Variants in PPP2R2C observed in about 807,000 individuals in gnomAD.
PPP2R2C encodes protein phosphatase 2, regulatory subunit B, gamma.
PPP2R2C carries 10 observed loss-of-function variants against 45.3 expected under a neutral mutation model. That is an observed-to-expected ratio of 0.22 (90% CI 0.14 to 0.37). The LOEUF (loss-of-function observed/expected upper bound fraction) is 0.37. Ranked by LOEUF, PPP2R2C falls within the 10% of genes least tolerant of loss-of-function variation. The pLI is 1.00. For synonymous variants in PPP2R2C, 257 were observed against 245.4 expected (o/e 1.05, Z -0.44); for missense variants, 308 against 619.7 (o/e 0.50, Z 5.34).
At chr4:6,436,711 T>C (rs1170665882) in intron 1 of PPP2R2C, among the ~76,000 whole-genome samples, 2 of 152,334 alleles carry the variant, frequency 1.3e-5, no homozygotes, top group East Asian at 3.9e-4. Context: ...AGGGCCACAC[T>C]GTCTCAACTA....
intron 1 of PPP2R2C, among the ~76,000 whole-genome samples, chr4:6,392,155 A>G (rs1716687603): frequency 6.6e-6 from 1 of 152,232 alleles, no homozygotes; most frequent in African/African-American, 2.4e-5. Context: ...ACGTGAATAT[A>G]CTTAATGACA....
At chr4:6,402,859 G>T (rs1158833926) in intron 1 of PPP2R2C, among the ~76,000 whole-genome samples, 1 of 152,240 alleles carries the variant, frequency 6.6e-6, no homozygotes, top group Non-Finnish European at 1.5e-5. Flanking sequence ...GTCCCATGGA[G>T]AGTGGTGGCA....
At chr4:6,325,469 C>T (rs549423257) in intron 8 of PPP2R2C, among the ~76,000 whole-genome samples, 5 of 152,186 alleles carry the variant, frequency 3.3e-5, no homozygotes, top group Admixed American at 6.5e-5. Context: ...ACCCTCCCCG[C>T]GCCAGCACAG....
intron 1 of PPP2R2C, among the ~76,000 whole-genome samples, chr4:6,538,499 TG>T (rs1258098917): frequency 6.6e-6 from 1 of 152,024 alleles, no homozygotes. Context: ...CACCCAATGG[TG>T]GGAAGGGAAC....
intron 1 of PPP2R2C, among the ~76,000 whole-genome samples, chr4:6,423,085 G>T (rs1331914851): frequency 1.3e-5 from 2 of 152,156 alleles, no homozygotes; most frequent in Non-Finnish European, 2.9e-5. Flanking sequence ...TACCTGGAAG[G>T]GGCTGCAATA....
At chr4:6,376,642 T>C (rs935938342) in intron 3 of PPP2R2C, among the ~76,000 whole-genome samples, 6 of 152,066 alleles carry the variant, frequency 3.9e-5, no homozygotes, top group South Asian at 2.1e-4. Context: ...TTTGTAGAGA[T>C]AGAGTCTCAC....
At chr4:6,414,153 A>C in intron 1 of PPP2R2C, 1 of 1,152,434 alleles carries the variant, frequency 8.7e-7, no homozygotes, top group Non-Finnish European at 1.2e-6. Context: ...AAGAAACAAA[A>C]TACGGCCTAG....
chr4:6,426,673 G>A (rs191346706), intron 1 of PPP2R2C, among the ~76,000 whole-genome samples: 1 of 152,176 alleles, frequency 6.6e-6, no homozygotes, highest in South Asian at 2.1e-4. Flanking sequence ...TCAGGGGACG[G>A]CAGAGTAGAC....
intron 1 of PPP2R2C, among the ~76,000 whole-genome samples, chr4:6,415,164 T>G (rs761365759): frequency 6.6e-6 from 1 of 152,218 alleles, no homozygotes; most frequent in South Asian, 2.1e-4. Flanking sequence ...GGGCCTTCTC[T>G]CTTGGAGGTG....
At chr4:6,547,933 T>C (rs1725046374) in intron 1 of PPP2R2C, among the ~76,000 whole-genome samples, 1 of 152,136 alleles carries the variant, frequency 6.6e-6, no homozygotes, top group South Asian at 2.1e-4. Flanking sequence ...AAAATCATAA[T>C]GGGGCCAGGC....
chr4:6,512,722 A>G (rs1008607129), intron 2 of PPP2R2C, among the ~76,000 whole-genome samples: 1 of 151,762 alleles, frequency 6.6e-6, no homozygotes, highest in Non-Finnish European at 1.5e-5. Flanking sequence ...GATAATTACA[A>G]TGATGCCAAT....
At chr4:6,367,668 C>A (rs1213801652) in intron 5 of PPP2R2C, among the ~76,000 whole-genome samples, 1 of 152,196 alleles carries the variant, frequency 6.6e-6, no homozygotes, top group Non-Finnish European at 1.5e-5. Context: ...CATCGCAGCA[C>A]CTGCAGCCCA....
At chr4:6,338,074 G>A (rs1733128824) in intron 6 of PPP2R2C, among the ~76,000 whole-genome samples, 1 of 151,870 alleles carries the variant, frequency 6.6e-6, no homozygotes, top group African/African-American at 2.4e-5. Context: ...CACCTTCAGA[G>A]CGCTAACAAG....
intron 1 of PPP2R2C, chr4:6,420,844 C>T (rs1718912862): frequency 2.6e-6 from 2 of 766,794 alleles, no homozygotes; most frequent in Admixed American, 6.3e-5. Context: ...CATGCCAGTG[C>T]CCAGGTCTGT....
rs1010286708 is a variant in PPP2R2C, at chr4:6,329,536, G to A, written c.961-183C>T. ...CCGACACAGCCCTGCTCATCTCATC[G>A]GGAGGCCCATGACCAGGCACACGGC... On this transcript the variant is annotated intron_variant, in intron 7 of 8. Transcript: ENST00000382599. The surrounding 1 kb of genome is among the most constrained non-coding windows in gnomAD (Gnocchi z 5.8). Among the ~76,000 whole-genome samples, 11 of 152,154 alleles carry A rather than the reference G, an allele frequency of 7.2e-5. No individual in the cohort carries two copies. Among genetic ancestry groups the A allele is most frequent in the Middle Eastern group, 3.4e-3 (1 of 294 alleles).
chr4:6,448,952 A>G (rs562593688), intron 1 of PPP2R2C, among the ~76,000 whole-genome samples: 8 of 152,196 alleles, frequency 5.3e-5, no homozygotes, highest in Non-Finnish European at 1.0e-4. Context: ...GCCAACCTCC[A>G]TGCCCCAGAG....
chr4:6,373,816 T>C (rs1715061464), intron 4 of PPP2R2C, among the ~76,000 whole-genome samples: 1 of 152,086 alleles, frequency 6.6e-6, no homozygotes, highest in Non-Finnish European at 1.5e-5. Flanking sequence ...GGAGTGTGCA[T>C]GGCTGAGAGT....
At chr4:6,343,121 C>T (rs1451447730) in intron 6 of PPP2R2C, among the ~76,000 whole-genome samples, 1 of 152,172 alleles carries the variant, frequency 6.6e-6, no homozygotes, top group Non-Finnish European at 1.5e-5. Flanking sequence ...CATTTGTGTT[C>T]AGATTAAAAA....
chr4:6,462,967 G>A (rs537680876), intron 1 of PPP2R2C, among the ~76,000 whole-genome samples: 2 of 152,202 alleles, frequency 1.3e-5, no homozygotes, highest in South Asian at 4.1e-4. Context: ...GTGATGAGGG[G>A]CTCCAGGGAG....
Sources: allele counts gnomAD v4.1 joint callset (sites outside exome capture counted in the v4.1 genomes callset), GRCh38; gene constraint gnomAD v4.1.1; non-coding constraint Gnocchi (gnomAD v3.1); transcripts MANE v1.5; gene names NCBI Gene and HGNC (gene_info 2026-07-23, HGNC 2026-07-21).